The following LTBP1 variants were observed in gnomAD, a reference collection of about 807,000 sequenced individuals.
LTBP1 encodes latent-transforming growth factor beta-binding protein 1.
LTBP1 carries 129 observed loss-of-function variants against 207.6 expected under a neutral mutation model. The observed-to-expected ratio is 0.62, with a 90% CI of 0.54 to 0.72. The LOEUF is 0.72. Ranked by LOEUF, LTBP1 falls within the 30% of genes least tolerant of loss-of-function variation. The pLI is 0.00. For missense variants in LTBP1, 2,281 were observed against 2,217.2 expected, an observed-to-expected ratio of 1.03 and a Z score of -0.58; for synonymous variants, 963 against 833.7, an observed-to-expected ratio of 1.16 and a Z score of -2.67.
At chr2:33,022,851 A>G (rs1200627998) in intron 3 of LTBP1, among the ~76,000 whole-genome samples, 2 of 152,202 alleles carry the variant, frequency 1.3e-5, no homozygotes, top group Admixed American at 6.5e-5. Context: ...GGACATTGAA[A>G]TTTGAATTTC....
At chr2:33,237,001 A>G (rs779986924) in intron 9 of LTBP1, among the ~76,000 whole-genome samples, 5 of 152,166 alleles carry the variant, frequency 3.3e-5, no homozygotes, top group African/African-American at 1.2e-4. Context: ...CCTATGGTGG[A>G]TGGTCATTTT....
At chr2:33,281,797 G>A (rs1009583616) in intron 19 of LTBP1, among the ~76,000 whole-genome samples, 1 of 152,136 alleles carries the variant, frequency 6.6e-6, no homozygotes, top group African/African-American at 2.4e-5. Context: ...TGACCAAAAA[G>A]TATTAATATA....
chr2:33,204,515 T>C (rs2089669631), intron 7 of LTBP1, among the ~76,000 whole-genome samples: 1 of 152,252 alleles, frequency 6.6e-6, no homozygotes, highest in African/African-American at 2.4e-5. Context: ...CTGCAAGCTC[T>C]AACGGAGTTG....
In LTBP1 at chr2:33,004,815, A is replaced by AT. The variant is rs1558501551; in HGVS notation, c.566-16094_566-16093insT. Among the ~76,000 whole-genome samples, 1,233 of 143,390 alleles carry AT rather than the reference A, an allele frequency of 8.6e-3. 28 individuals are homozygous for AT. Among genetic ancestry groups the AT allele is most frequent in the African/African-American group, 0.027 (1,052 of 39,396 alleles). 94.1% of individuals were successfully genotyped at this position (143,390 alleles called of 152,430 possible). A position where few individuals can be genotyped will look rare whatever the true frequency, so the allele number is the denominator to read the frequency against. ...TATATATATATATATATATATATAT[A>AT]AACATAAAATTTGTAAAATAGTATT... is the stretch of plus-strand genomic sequence containing the variant. On this transcript the variant is annotated intron_variant, in intron 2 of 33. Coordinates refer to ENST00000404816, the MANE Select transcript of LTBP1 (RefSeq NM_206943.4).
intron 11 of LTBP1, among the ~76,000 whole-genome samples, chr2:33,256,149 A>T (rs180820098): frequency 2.0e-4 from 30 of 152,092 alleles, no homozygotes; most frequent in Non-Finnish European, 3.8e-4. Flanking sequence ...AGGGCACAGA[A>T]TATCTCCTTG....
At chr2:33,220,344 TC>T (rs2091020133) in intron 8 of LTBP1, among the ~76,000 whole-genome samples, 1 of 151,210 alleles carries the variant, frequency 6.6e-6, no homozygotes, top group African/African-American at 2.4e-5. Flanking sequence ...CTCTTTTTTT[TC>T]ACTCAAACTA....
chr2:32,972,113 T>C (rs1680965822), intron 2 of LTBP1, among the ~76,000 whole-genome samples: 1 of 100,462 alleles, frequency 1.0e-5, no homozygotes, highest in Admixed American at 8.6e-5. Context: ...TCTCTGAGTT[T>C]TTTGTTTTTT....
intron 2 of LTBP1, among the ~76,000 whole-genome samples, chr2:32,997,092 C>T (rs1283378760): frequency 6.6e-6 from 1 of 152,062 alleles, no homozygotes; most frequent in Non-Finnish European, 1.5e-5. Context: ...ACCATGTTGC[C>T]CAGGCTGGTC....
chr2:33,174,381 A>C (rs2085795714), intron 5 of LTBP1, among the ~76,000 whole-genome samples: 1 of 152,192 alleles, frequency 6.6e-6, no homozygotes, highest in African/African-American at 2.4e-5. Flanking sequence ...CAGAGAGCCA[A>C]ATCATGAGTG....
chr2:33,044,229 A>G (rs1190623942), intron 3 of LTBP1, among the ~76,000 whole-genome samples: 1 of 151,888 alleles, frequency 6.6e-6, no homozygotes, highest in Admixed American at 6.6e-5. Context: ...CCTGTCATCT[A>G]CATTAGGTAT....
At chr2:33,268,103 T>C (rs1260104103) in intron 15 of LTBP1, among the ~76,000 whole-genome samples, 1 of 152,222 alleles carries the variant, frequency 6.6e-6, no homozygotes, top group African/African-American at 2.4e-5. Flanking sequence ...GTATAGATAG[T>C]CTTTGAAATG....
chr2:33,081,746 G>A lies in LTBP1; in HGVS notation c.864-28836G>A, dbSNP rs753350347. 5.3e-5 allele frequency among the ~76,000 whole-genome samples: 8 copies of A among 152,104 alleles called. 2 individuals carry two copies. The highest frequency in any genetic ancestry group is 2.1e-4 in the South Asian group (1 of 4,826). ...GCAGTCCCCATAGTCCCCATATGTC[G>A]TGGGAGGGACCCGGTGGGAGGTAAT... is the stretch of plus-strand genomic sequence containing the variant. On this transcript the variant is annotated intron_variant, in intron 3 of 33. Transcript: ENST00000404816.
intron 5 of LTBP1, 138 bp from the exon 6 acceptor site, chr2:33,186,715 ACTC>A: frequency 1.6e-6 from 1 of 640,874 alleles, no homozygotes; most frequent in East Asian, 2.7e-5. Flanking sequence ...TAGCGAGTTT[ACTC>A]CTCTGTTTAC....
intron 22 of LTBP1, among the ~76,000 whole-genome samples, chr2:33,303,737 G>A (rs576130381): frequency 1.3e-5 from 2 of 152,106 alleles, no homozygotes; most frequent in Non-Finnish European, 2.9e-5. Context: ...TATGAGAATC[G>A]AATCCAGCTG....
At chr2:33,212,730 A>G (rs1046881389) in intron 7 of LTBP1, among the ~76,000 whole-genome samples, 1 of 152,238 alleles carries the variant, frequency 6.6e-6, no homozygotes, top group Non-Finnish European at 1.5e-5. Flanking sequence ...ATACAAGTTA[A>G]GCATCCCAAA....
At chr2:32,979,170 A>T (rs1018662517) in intron 2 of LTBP1, among the ~76,000 whole-genome samples, 5 of 150,386 alleles carry the variant, frequency 3.3e-5, no homozygotes, top group African/African-American at 1.2e-4. Flanking sequence ...TCTTTTATAT[A>T]TATATTTTTT....
intron 11 of LTBP1, among the ~76,000 whole-genome samples, chr2:33,256,371 A>G (rs1225760488): frequency 6.6e-6 from 1 of 152,044 alleles, no homozygotes; most frequent in Non-Finnish European, 1.5e-5. Context: ...TCCGTAATCT[A>G]CATCCTCTTA....
intron 3 of LTBP1, among the ~76,000 whole-genome samples, chr2:33,070,549 G>A (rs1007344871): frequency 1.1e-4 from 16 of 152,186 alleles, no homozygotes; most frequent in Admixed American, 3.3e-4. Flanking sequence ...CGGTGATTTT[G>A]TGCCAAGAGA....
chr2:33,350,418 A>C (rs1164878341), intron 26 of LTBP1, among the ~76,000 whole-genome samples: 1 of 152,202 alleles, frequency 6.6e-6, no homozygotes, highest in East Asian at 1.9e-4. Context: ...GTCAGCAAAA[A>C]GCTGCCCCAG....
Sources: gnomAD v4.1 joint callset for allele counts (sites outside exome capture counted in the v4.1 genomes callset) on GRCh38, gnomAD v4.1.1 for gene constraint, MANE v1.5 for transcripts, NCBI Gene and HGNC (gene_info 2026-07-23, HGNC 2026-07-21) for gene names.